The following SCGB2B2 variants were observed in gnomAD, a reference collection of about 807,000 sequenced individuals.
The protein encoded by SCGB2B2 is secretoglobin family 2B member 2, also known as secretoglobin-like protein.
Under a neutral mutation model 7.6 loss-of-function variants are expected in SCGB2B2, and 11 were observed. The ratio of observed to expected loss-of-function variants is 1.45; its 90% confidence interval spans 0.91 to 2.40. The LOEUF (loss-of-function observed/expected upper bound fraction) is 2.40. SCGB2B2 is among the 30% of genes most tolerant of loss of function. The pLI is 0.00. For missense variants in SCGB2B2, 104 were observed against 115.4 expected (o/e 0.90, Z 0.45); for synonymous variants, 50 against 48.6 (o/e 1.03, Z -0.12).
At position 34,593,117 on chromosome 19, in the gene SCGB2B2, T is replaced by C. The variant is rs1229305272; in HGVS notation, c.*438A>G. Among the ~76,000 whole-genome samples, 4 of 152,016 alleles carry C rather than the reference T, an allele frequency of 2.6e-5. No individual in the cohort carries two copies. Among genetic ancestry groups the C allele is most frequent in the Non-Finnish European group, 5.9e-5 (4 of 67,984 alleles). ...TAGGTGGATCATTTGCGGTCAGGAG[T>C]TTGAGACCAGCCTGGCCAACATGGC... On this transcript the variant is annotated 3_prime_UTR_variant, in exon 4 of 4. Transcript: ENST00000601241.
At chr19:34,613,013 C>CTACAT (rs2065975880) in intron 1 of SCGB2B2, among the ~76,000 whole-genome samples, 1 of 151,938 alleles carries the variant, frequency 6.6e-6, no homozygotes, top group Admixed American at 6.6e-5. Context: ...ATGTTAAAAT[C>CTACAT]TACATTATCA....
intron 1 of SCGB2B2, among the ~76,000 whole-genome samples, chr19:34,608,294 G>C (rs2065834671): frequency 6.6e-6 from 1 of 151,572 alleles, no homozygotes; most frequent in Admixed American, 6.6e-5. Flanking sequence ...TCCAACTTTT[G>C]TATGTATATT....
chr19:34,652,073 C>T (rs1446327909), intron 1 of SCGB2B2, among the ~76,000 whole-genome samples: 2 of 150,692 alleles, frequency 1.3e-5, no homozygotes, highest in Non-Finnish European at 1.5e-5. Flanking sequence ...ACTGGATATC[C>T]GTATGCCAAA....
intron 1 of SCGB2B2, chr19:34,637,983 T>C (rs1215480551): frequency 6.6e-6 from 1 of 152,192 alleles, no homozygotes; most frequent in Non-Finnish European, 1.5e-5. Flanking sequence ...AGAAAATGTG[T>C]TTCCTTGCTG....
chr19:34,617,632 CAG>C (rs1311732615), intron 1 of SCGB2B2, among the ~76,000 whole-genome samples: 8 of 152,302 alleles, frequency 5.3e-5, no homozygotes, highest in Admixed American at 4.6e-4. Flanking sequence ...CATCTGCAAA[CAG>C]GGACAATTTG....
At chr19:34,617,947 C>T (rs942191328) in intron 1 of SCGB2B2, among the ~76,000 whole-genome samples, 5 of 152,216 alleles carry the variant, frequency 3.3e-5, no homozygotes, top group Non-Finnish European at 7.3e-5. Flanking sequence ...ACTCCCTGAC[C>T]CCTTGCGCTT....
At chr19:34,597,655 G>T (rs1422626546) in intron 1 of SCGB2B2, among the ~76,000 whole-genome samples, 2 of 152,222 alleles carry the variant, frequency 1.3e-5, no homozygotes, top group African/African-American at 4.8e-5. Context: ...CAGAGGGTGT[G>T]GGTGAGGGGC....
chr19:34,605,820 C>G (rs1466817058), intron 1 of SCGB2B2, among the ~76,000 whole-genome samples: 4 of 152,128 alleles, frequency 2.6e-5, no homozygotes, highest in Non-Finnish European at 2.9e-5. Flanking sequence ...TCTCGAACTC[C>G]TGTCCTCAGG....
intron 1 of SCGB2B2, among the ~76,000 whole-genome samples, chr19:34,599,393 C>T (rs73596658): frequency 0.22 from 33,180 of 152,174 alleles, 3,696 homozygotes; most frequent in South Asian, 0.25. Flanking sequence ...CTGCAGTTTA[C>T]AAAAGAAAGA....
intron 1 of SCGB2B2, among the ~76,000 whole-genome samples, chr19:34,638,484 A>C (rs7258873): frequency 0.29 from 43,414 of 151,412 alleles, 6,833 homozygotes; most frequent in Middle Eastern, 0.36. Flanking sequence ...CCCCCAAAAA[A>C]ACAAACAATG....
downstream of SCGB2B2, among the ~76,000 whole-genome samples, chr19:34,586,828 G>A (rs931320201): frequency 1.3e-5 from 2 of 152,136 alleles, no homozygotes; most frequent in Admixed American, 6.5e-5. Context: ...GCAGCCACTG[G>A]TTCATTCTTT....
At chr19:34,593,635 C>G in intron 3 of SCGB2B2, 36 bp from the exon 4 acceptor site, 1 of 1,540,370 alleles carries the variant, frequency 6.5e-7, no homozygotes, top group South Asian at 1.2e-5. Context: ...AGCCGGTGGC[C>G]TCTGTGAAAG....
chr19:34,669,260 T>A (rs576942634), intron 1 of SCGB2B2, among the ~76,000 whole-genome samples: 2 of 152,318 alleles, frequency 1.3e-5, no homozygotes, highest in African/African-American at 4.8e-5. Flanking sequence ...GTAACATGTG[T>A]TCCTAATGCA....
chr19:34,660,746 C>T (rs754192286), intron 1 of SCGB2B2, among the ~76,000 whole-genome samples: 4 of 152,190 alleles, frequency 2.6e-5, no homozygotes, highest in Non-Finnish European at 4.4e-5. Context: ...ACTAGAAATA[C>T]CATTTGACCC....
chr19:34,594,255 T>C lies in SCGB2B2; in HGVS notation c.166A>G (p.Thr56Ala). The change falls in exon 3 of 4, where the codon ACA (threonine) becomes GCA (alanine). Residue 56 changes from threonine to alanine, a missense_variant. By Grantham distance (58) the Thr-to-Ala change is moderately conservative. Transcript: ENST00000601241. ...TGGACATTGAGGAAGGACTCCTCTGTCAGGGGACTGGGGTTGTAACGAGCA... is the reference window on the plus strand; with the variant it reads ...TGGACATTGAGGAAGGACTCCTCTGCCAGGGGACTGGGGTTGTAACGAGCA... ...ELARYNPSPL[T>A]EESFLNVQQC... 1 of 1,614,074 alleles carries C rather than the reference T, an allele frequency of 6.2e-7. No homozygotes were observed. The highest frequency in any genetic ancestry group is 8.5e-7 in the Non-Finnish European group (1 of 1,179,928).
chr19:34,628,311 C>CA (rs1004824546), intron 1 of SCGB2B2, among the ~76,000 whole-genome samples: 16 of 148,046 alleles, frequency 1.1e-4, no homozygotes, highest in African/African-American at 2.9e-4. Context: ...AAAAACTCTT[C>CA]AAAAAATCAA....
intron 1 of SCGB2B2, among the ~76,000 whole-genome samples, chr19:34,607,044 T>G (rs2065800896): frequency 6.6e-6 from 1 of 152,196 alleles, no homozygotes; most frequent in South Asian, 2.1e-4. Flanking sequence ...CACTCATTCA[T>G]CCCCCGGCTA....
At position 34,592,840 on chromosome 19, in the gene SCGB2B2, T is replaced by A. The variant is rs2065333953; in HGVS notation, c.*715A>T. On this transcript the variant is annotated 3_prime_UTR_variant, in exon 4 of 4. Coordinates refer to ENST00000601241, the MANE Select transcript of SCGB2B2 (RefSeq NM_001025591.4). ...GGAGCAGAGCTGAGCTGCAGGTATT[T>A]ATGGGGACGCTGAGGCTTGTGACTT... Among the ~76,000 whole-genome samples the A allele has an allele frequency of 6.6e-6, 1 of 152,020 alleles. No homozygotes were observed. Among genetic ancestry groups the A allele is most frequent in the Non-Finnish European group, 1.5e-5 (1 of 67,998 alleles).
chr19:34,666,510 C>T (rs145021468), intron 1 of SCGB2B2, among the ~76,000 whole-genome samples: 220 of 152,254 alleles, frequency 1.4e-3, no homozygotes, highest in African/African-American at 4.7e-3. Flanking sequence ...CCTGCACCAC[C>T]GGACAGGAAG....
Sources: allele counts gnomAD v4.1 joint callset (sites outside exome capture counted in the v4.1 genomes callset), GRCh38; gene constraint gnomAD v4.1.1; transcripts MANE v1.5; gene names NCBI Gene and HGNC (gene_info 2026-07-23, HGNC 2026-07-21).